OR13A1: variants seen among roughly 807,000 people sequenced by gnomAD.
The protein encoded by OR13A1 is olfactory receptor 13A1.
In OR13A1, 10 loss-of-function variants were observed where a neutral mutation model predicts 7.5. The ratio of observed to expected loss-of-function variants is 1.34; its 90% CI spans 0.83 to 2.27. The LOEUF (loss-of-function observed/expected upper bound fraction) is 2.27. OR13A1 is among the 30% of genes most tolerant of loss of function. The probability of loss-of-function intolerance (pLI) is 0.00; values close to 1 mark genes in which losing one functional copy is unlikely to be tolerated. For synonymous variants in OR13A1, 238 were observed against 177.9 expected (o/e 1.34, Z -2.69); for missense variants, 509 against 419.1 (o/e 1.21, Z -1.87).
rs1838379183 is a variant in OR13A1 at position 45,308,402 on chromosome 10, C to T, written c.-224-594G>A. 2.0e-5 allele frequency among the ~76,000 whole-genome samples: 3 copies of T among 152,092 alleles called. No homozygotes were observed. The South Asian group carries it at 6.2e-4, about 31-fold the overall frequency. On this transcript the variant is annotated intron_variant, in intron 1 of 3. Transcript: ENST00000553795. ...TGTTGGTTGCCTCCATAAATCCAGC[C>T]CCATCAAATGTCAAAGAAAAGCCAT...
chr10:45,303,378 C>T lies in OR13A1; in HGVS notation c.*58G>A, dbSNP rs544832703. 1.7e-5 allele frequency: 26 copies of T among 1,506,096 alleles called. No homozygotes were observed. The highest frequency in any genetic ancestry group is 2.2e-5 in the Non-Finnish European group (25 of 1,120,442). The allele number at this position is 1,506,096 out of a possible 1,614,324, so 93.3% of individuals were successfully genotyped here. ...ATTTACCTCCCAGTCCAGAAACTTG[C>T]TCATCAGACTCCACTAAAACTGCAG... On this transcript the variant is annotated 3_prime_UTR_variant, in exon 4 of 4. Transcript: ENST00000553795.
intron 3 of OR13A1, among the ~76,000 whole-genome samples, chr10:45,305,056 C>A (rs1838298744): frequency 6.6e-6 from 1 of 152,026 alleles, no homozygotes; most frequent in South Asian, 2.1e-4. Flanking sequence ...AATGGTGAAA[C>A]CCCATTCTCT....
At position 45,304,205 on chromosome 10, in the gene OR13A1, A is replaced by G. The variant is rs148288568; in HGVS notation, c.218T>C (p.Leu73Pro). ...ITLAITFNPG[L>P]HAPMYFFLLN... ...TAAGAAAAAGTACATAGGAGCGTGG[A>G]GCCCAGGGTTGAACGTGATGGCCAA... Residue 73 changes from leucine to proline, a missense_variant, in exon 4 of 4, where the codon CTC (leucine) becomes CCC (proline). Coordinates refer to ENST00000553795, the MANE Select transcript of OR13A1 (RefSeq NM_001004297.3). 8.1e-6 allele frequency: 13 copies of G among 1,614,090 alleles called. No individual in the cohort carries two copies. The African/African-American group carries it at 1.6e-4, about 20-fold the overall frequency.
In OR13A1 at chr10:45,304,226, G is replaced by A. The variant is rs776171160; in HGVS notation, c.197C>T (p.Ala66Val). 2 of 1,614,174 alleles carry A rather than the reference G, an allele frequency of 1.2e-6. No individual in the cohort carries two copies. The highest frequency in any genetic ancestry group is 4.5e-5 in the East Asian group (2 of 44,882). The change falls in exon 4 of 4, where the codon GCC becomes GTC. Residue 66 changes from alanine to valine, a missense_variant. By Grantham distance (64) the Ala-to-Val change is moderately conservative. Transcript: ENST00000553795. ...GTGGAGCCCAGGGTTGAACGTGATG[G>A]CCAAGGTGATGAGGACATTACCTGT... The part of the protein sequence containing the change: ...ALTGNVLITL[A>V]ITFNPGLHAP...
In OR13A1 at chr10:45,303,867, A is replaced by T. The variant is rs1482485227; in HGVS notation, c.556T>A (p.Phe186Ile). ...TGGATAATGACATTGGGGCCACAGA[A>T]ATCCAAGCGCAGCATCAGCCCCGTG... Reference protein sequence around the residue: ...IHTGLMLRLDFCGPNVIIHFF... With the variant: ...IHTGLMLRLDICGPNVIIHFF... Residue 186 changes from phenylalanine to isoleucine, a missense_variant, in exon 4 of 4, where the codon TTC becomes ATC. Coordinates refer to ENST00000553795, the MANE Select transcript of OR13A1 (RefSeq NM_001004297.3). 2 of 1,612,844 alleles carry T rather than the reference A, an allele frequency of 1.2e-6. No homozygotes were observed.
At position 45,303,112 on chromosome 10, in the gene OR13A1, C is replaced by T. The variant is rs960465564; in HGVS notation, c.*324G>A. 1 of 249,846 alleles carries T rather than the reference C, an allele frequency of 4.0e-6. No homozygotes were observed. The highest frequency in any genetic ancestry group is 7.6e-6 in the Non-Finnish European group (1 of 131,038). 15.5% of individuals were successfully genotyped at this position (249,846 alleles called of 1,614,324 possible). ...ATTTACACCCTGAGTGTTGTACATACAAAAGGAAAATGTTTGATGTGGCTA... is the reference window on the plus strand; with the variant it reads ...ATTTACACCCTGAGTGTTGTACATATAAAAGGAAAATGTTTGATGTGGCTA... On this transcript the variant is annotated 3_prime_UTR_variant, in exon 4 of 4. Coordinates refer to ENST00000553795, the MANE Select transcript of OR13A1 (RefSeq NM_001004297.3).
At chr10:45,312,985 T>C (rs1347995223) in intron 1 of OR13A1, among the ~76,000 whole-genome samples, 1 of 152,050 alleles carries the variant, frequency 6.6e-6, no homozygotes, top group Non-Finnish European at 1.5e-5. Context: ...CCAGTAAAGA[T>C]AAATATATGG....
rs1202626965 is a variant in OR13A1, at chr10:45,304,035, G to T, written c.388C>A (p.Leu130Met). Residue 130 changes from leucine (L) to methionine (M), a missense_variant, in exon 4 of 4, where the codon CTG becomes ATG. By Grantham distance (15) the Leu-to-Met change is conservative. Transcript: ENST00000553795. ...YFLTWAASSE[L>M]LLLTVMAYDR... The stretch of plus-strand genomic sequence containing the variant: ...TAGGCCATGACCGTGAGGAGCAGCA[G>T]CTCTGAGGATGCAGCCCACGTGAGG... 1 of 1,613,328 alleles carries T rather than the reference G, an allele frequency of 6.2e-7. No homozygotes were observed. The highest frequency in any genetic ancestry group is 8.5e-7 in the Non-Finnish European group (1 of 1,179,548).
intron 1 of OR13A1, among the ~76,000 whole-genome samples, chr10:45,309,905 G>T (rs1378043329): frequency 6.6e-6 from 1 of 152,114 alleles, no homozygotes; most frequent in Admixed American, 6.5e-5. Flanking sequence ...TAAGTCCGTA[G>T]TCTCTCTGAA....
Position 45,303,994 on chromosome 10 carries a change from G to C in OR13A1, c.429C>G (p.Ala143=), listed in dbSNP as rs371294085. The C allele has an allele frequency of 3.7e-6, 6 of 1,612,436 alleles. No individual in the cohort carries two copies. Among genetic ancestry groups the C allele is most frequent in the Non-Finnish European group, 5.1e-6 (6 of 1,178,904 alleles). The change falls in exon 4 of 4, where the codon GCC becomes GCG. Residue 143 remains alanine, a synonymous_variant. Transcript: ENST00000553795. Reference sequence around the variant, plus strand: ...TGCTGTAATGCAGCGGGTGGCAGATGGCTGCGTACCGGTCATAGGCCATGA... The same window carrying C: ...TGCTGTAATGCAGCGGGTGGCAGATCGCTGCGTACCGGTCATAGGCCATGA... ...LTVMAYDRYA[A]ICHPLHYSSM...
At chr10:45,307,027 C>G (rs1471993401) in intron 3 of OR13A1, among the ~76,000 whole-genome samples, 1 of 152,152 alleles carries the variant, frequency 6.6e-6, no homozygotes, top group Non-Finnish European at 1.5e-5. Context: ...CATCAATGTC[C>G]CAGTGTGAGG....
Position 45,307,497 on chromosome 10 carries a change from A to T in OR13A1, c.-84T>A, listed in dbSNP as rs1029884918. 6.6e-6 allele frequency: 1 copy of T among 152,162 alleles called. No homozygotes were observed. Among genetic ancestry groups the T allele is most frequent in the Non-Finnish European group, 1.5e-5 (1 of 68,028 alleles). 9.4% of individuals were successfully genotyped at this position (152,162 alleles called of 1,614,324 possible). The stretch of plus-strand genomic sequence containing the variant: ...AACTGGTCAATAATGAGATCAAAGA[A>T]TCGGGGCTCCAATCCTCTTTCCATG... On this transcript the variant is annotated 5_prime_UTR_variant, in exon 3 of 4. Transcript: ENST00000553795.
intron 1 of OR13A1, among the ~76,000 whole-genome samples, chr10:45,309,418 T>TC (rs1414192143): frequency 2.0e-5 from 3 of 151,918 alleles, no homozygotes; most frequent in Non-Finnish European, 2.9e-5. Context: ...TAACTCTATC[T>TC]CCCCTACCAA....
chr10:45,309,244 T>C (rs1564535242), intron 1 of OR13A1, among the ~76,000 whole-genome samples: 1 of 152,144 alleles, frequency 6.6e-6, no homozygotes, highest in South Asian at 2.1e-4. Flanking sequence ...AAGTAGCATT[T>C]CTGGACTGCT....
At chr10:45,308,252 A>G (rs1838376616) in intron 1 of OR13A1, among the ~76,000 whole-genome samples, 1 of 152,224 alleles carries the variant, frequency 6.6e-6, no homozygotes, top group Non-Finnish European at 1.5e-5. Flanking sequence ...TGTCCAACCT[A>G]TTGATTTGGA....
At chr10:45,310,560 T>G (rs1245087148) in intron 1 of OR13A1, among the ~76,000 whole-genome samples, 1 of 152,188 alleles carries the variant, frequency 6.6e-6, no homozygotes, top group Admixed American at 6.5e-5. Context: ...TTCACCTAGC[T>G]GCCAGGGAAG....
At chr10:45,308,420 A>G (rs921118336) in intron 1 of OR13A1, among the ~76,000 whole-genome samples, 1 of 152,222 alleles carries the variant, frequency 6.6e-6, no homozygotes, top group African/African-American at 2.4e-5. Context: ...ATGTCAAAGA[A>G]AAGCCATGAA....
chr10:45,312,358 G>A (rs923857954), intron 1 of OR13A1, among the ~76,000 whole-genome samples: 1 of 151,714 alleles, frequency 6.6e-6, no homozygotes, highest in Non-Finnish European at 1.5e-5. Flanking sequence ...GAGTAAAAAG[G>A]CACATTAAGT....
In OR13A1 at chr10:45,302,734, G is replaced by A. The variant is rs1254907360; in HGVS notation, c.*702C>T. ...TTCACCCAGTTTTATCTGAAACAAT[G>A]GAAGGATAGCAATGCCTTACTACAA... is the stretch of plus-strand genomic sequence containing the variant. On this transcript the variant is annotated 3_prime_UTR_variant, in exon 4 of 4. Coordinates refer to ENST00000553795, the MANE Select transcript of OR13A1 (RefSeq NM_001004297.3). 6.6e-6 allele frequency: 1 copy of A among 152,204 alleles called. No homozygotes were observed. The highest frequency in any genetic ancestry group is 1.5e-5 in the Non-Finnish European group (1 of 68,048). The allele number at this position is 152,204 out of a possible 1,614,324, so 9.4% of individuals were successfully genotyped here. A position where few individuals can be genotyped will look rare whatever the true frequency, so the allele number is the denominator to read the frequency against.
Sources: allele counts gnomAD v4.1 joint callset (sites outside exome capture counted in the v4.1 genomes callset), GRCh38; gene constraint gnomAD v4.1.1; transcripts MANE v1.5; gene names NCBI Gene and HGNC (gene_info 2026-07-23, HGNC 2026-07-21).